TMCC1: variants seen among roughly 807,000 people sequenced by gnomAD.
TMCC1 encodes the protein transmembrane and coiled-coil domains protein 1.
TMCC1 carries 15 observed loss-of-function variants against 52.4 expected under a neutral mutation model. The ratio of observed to expected loss-of-function variants is 0.29; its 90% CI spans 0.19 to 0.44. The LOEUF is 0.44. Ranked by LOEUF, TMCC1 falls within the 20% of genes least tolerant of loss-of-function variation. The pLI is 1.00. For synonymous variants in TMCC1, 279 were observed against 301.9 expected (o/e 0.92, Z 0.79); for missense variants, 503 against 806.0 (o/e 0.62, Z 4.55).
intron 5 of TMCC1, among the ~76,000 whole-genome samples, chr3:129,657,623 C>T (rs975381652): frequency 6.6e-6 from 1 of 152,160 alleles, no homozygotes; most frequent in South Asian, 2.1e-4. Flanking sequence ...AGAGTGCTAG[C>T]GATCCAAATC....
At chr3:129,715,201 T>TTTG (rs1476993311) in intron 4 of TMCC1, among the ~76,000 whole-genome samples, 1 of 152,224 alleles carries the variant, frequency 6.6e-6, no homozygotes, top group Non-Finnish European at 1.5e-5. Context: ...TCTGAAGTTC[T>TTTG]TTGTCTTTTC....
chr3:129,828,107 T>C lies in TMCC1; in HGVS notation c.272A>G (p.Glu91Gly), dbSNP rs1479729488. Residue 91 changes from glutamate to glycine, a missense_variant, in exon 4 of 7, where the codon GAG (glutamate) becomes GGG (glycine). Coordinates refer to ENST00000393238, the MANE Select transcript of TMCC1 (RefSeq NM_001017395.5). This position sits in a 1 kb window ranked among gnomAD's most constrained non-coding sequence, Gnocchi z 4.1. ...GGGGTGGGTGGGGACACCATCAATC[T>C]CAGCACATGCGTTCTGGCTTTCCAG... ...MDLESQNACA[E>G]IDGVPTHPTA... 1.2e-6 allele frequency: 2 copies of C among 1,614,134 alleles called. No homozygotes were observed. The highest frequency in any genetic ancestry group is 3.3e-5 in the Admixed American group (2 of 60,002).
At chr3:129,762,517 A>T (rs552745590) in intron 4 of TMCC1, among the ~76,000 whole-genome samples, 67 of 152,160 alleles carry the variant, frequency 4.4e-4, no homozygotes, top group African/African-American at 1.4e-3. Flanking sequence ...GCTGGCCATG[A>T]TGGCTCATGC....
chr3:129,875,905 G>A (rs1291362018), intron 2 of TMCC1, among the ~76,000 whole-genome samples: 6 of 152,294 alleles, frequency 3.9e-5, no homozygotes, highest in Admixed American at 2.6e-4. Flanking sequence ...AGGCCAAGGC[G>A]GGCGGATCAC....
At chr3:129,713,951 G>A (rs903868698) in intron 4 of TMCC1, among the ~76,000 whole-genome samples, 2 of 151,762 alleles carry the variant, frequency 1.3e-5, no homozygotes, top group Non-Finnish European at 2.9e-5. Context: ...CAGAATACTC[G>A]ATCTTTCATT....
chr3:129,890,092 C>T (rs971582889), intron 1 of TMCC1, among the ~76,000 whole-genome samples: 1 of 151,906 alleles, frequency 6.6e-6, no homozygotes, highest in Non-Finnish European at 1.5e-5. Context: ...TTTGCCTAGG[C>T]AACATATGAG....
chr3:129,834,620 G>C (rs1353449113), intron 2 of TMCC1, among the ~76,000 whole-genome samples: 1 of 152,134 alleles, frequency 6.6e-6, no homozygotes, highest in South Asian at 2.1e-4. Flanking sequence ...TGAGAGGAGG[G>C]AAAGATGATA....
chr3:129,761,611 A>G (rs2053602616), intron 4 of TMCC1, among the ~76,000 whole-genome samples: 1 of 152,178 alleles, frequency 6.6e-6, no homozygotes, highest in African/African-American at 2.4e-5. Flanking sequence ...CTTCAGAGAT[A>G]AAATCCCTGT....
intron 1 of TMCC1, among the ~76,000 whole-genome samples, chr3:129,891,870 G>A (rs2061979201): frequency 6.6e-6 from 1 of 152,224 alleles, no homozygotes; most frequent in Non-Finnish European, 1.5e-5. Context: ...CAGTCTTGCA[G>A]AAAAGGGGAA....
chr3:129,672,336 G>A (rs1055803265), intron 4 of TMCC1, among the ~76,000 whole-genome samples: 2 of 152,070 alleles, frequency 1.3e-5, no homozygotes, highest in Non-Finnish European at 2.9e-5. Context: ...AGTGGCTCAC[G>A]TCTATATTCC....
At chr3:129,660,795 T>C (rs1414874115) in intron 5 of TMCC1, among the ~76,000 whole-genome samples, 1 of 152,114 alleles carries the variant, frequency 6.6e-6, no homozygotes, top group Non-Finnish European at 1.5e-5. Flanking sequence ...AGAGACAGAG[T>C]CTCACTATGT....
intron 4 of TMCC1, among the ~76,000 whole-genome samples, chr3:129,739,059 C>T (rs2051232261): frequency 6.6e-6 from 1 of 152,142 alleles, no homozygotes; most frequent in South Asian, 2.1e-4. Context: ...TCAAGAGACA[C>T]ACCTACCTTG....
intron 4 of TMCC1, among the ~76,000 whole-genome samples, chr3:129,697,898 C>G (rs150887461): frequency 2.0e-5 from 3 of 152,298 alleles, no homozygotes; most frequent in African/African-American, 7.2e-5. Context: ...CAAAGCCATT[C>G]AACAAGACTC....
intron 4 of TMCC1, among the ~76,000 whole-genome samples, chr3:129,762,395 A>G (rs1330501937): frequency 3.9e-5 from 6 of 152,162 alleles, no homozygotes; most frequent in Non-Finnish European, 8.8e-5. Context: ...TAATACATTC[A>G]AGGATTTAAT....
intron 4 of TMCC1, among the ~76,000 whole-genome samples, chr3:129,785,586 AAC>A (rs10576514): frequency 0.064 from 8,171 of 128,202 alleles, 684 homozygotes; most frequent in African/African-American, 0.25. Context: ...CACACACACA[AAC>A]ACACACACAC....
chr3:129,734,989 G>A (rs561357781), intron 4 of TMCC1, among the ~76,000 whole-genome samples: 78 of 150,430 alleles, frequency 5.2e-4, no homozygotes, highest in African/African-American at 1.6e-3. Flanking sequence ...TGCAAGCTCC[G>A]TCTCCGGGTT....
chr3:129,826,528 T>C (rs2058669153), intron 4 of TMCC1, among the ~76,000 whole-genome samples: 2 of 151,884 alleles, frequency 1.3e-5, no homozygotes, highest in African/African-American at 4.8e-5. Context: ...AAAATGAATA[T>C]ACACATAAAT....
intron 4 of TMCC1, among the ~76,000 whole-genome samples, chr3:129,723,494 T>C (rs1046558993): frequency 4.6e-5 from 7 of 151,952 alleles, no homozygotes; most frequent in African/African-American, 1.7e-4. Context: ...TTAACCCATG[T>C]TTTTCCCAAG....
chr3:129,790,500 A>C (rs1560425312), intron 4 of TMCC1, among the ~76,000 whole-genome samples: 1 of 152,206 alleles, frequency 6.6e-6, no homozygotes, highest in Non-Finnish European at 1.5e-5. Flanking sequence ...TCAAAAGTAA[A>C]ATAAAAGGGT....
Sources: allele counts gnomAD v4.1 joint callset (sites outside exome capture counted in the v4.1 genomes callset), GRCh38; gene constraint gnomAD v4.1.1; non-coding constraint Gnocchi (gnomAD v3.1); transcripts MANE v1.5; gene names NCBI Gene and HGNC (gene_info 2026-07-23, HGNC 2026-07-21).